Variants in LOXHD1 observed in about 807,000 individuals in gnomAD.
LOXHD1 encodes the protein lipoxygenase homology domain-containing protein 1.
LOXHD1 carries 205 observed loss-of-function variants against 248.2 expected under a neutral mutation model. That is an observed-to-expected ratio of 0.83 (90% CI 0.74 to 0.93). The LOEUF (loss-of-function observed/expected upper bound fraction) is 0.93, where lower values mean the gene tolerates loss of function less well. Ranked by LOEUF, LOXHD1 falls within the 40% of genes least tolerant of loss-of-function variation. The probability of loss-of-function intolerance (pLI) is 0.00; values close to 1 mark genes in which losing one functional copy is unlikely to be tolerated. For synonymous variants in LOXHD1, 1,113 were observed against 1,162.8 expected, an observed-to-expected ratio of 0.96 and a Z score of 0.87; for missense variants, 2,930 against 2,971.6, an observed-to-expected ratio of 0.99 and a Z score of 0.33.
intron 18 of LOXHD1, among the ~76,000 whole-genome samples, 159 bp downstream of exon 18, chr18:46,562,906 G>A (rs1012293128): frequency 3.3e-5 from 5 of 152,090 alleles, no homozygotes; most frequent in Non-Finnish European, 7.4e-5. Flanking sequence ...ATTTTAGGCC[G>A]AAAGCTCAGG....
Position 46,521,163 on chromosome 18 carries a change from T to C in LOXHD1, c.5205A>G (p.Arg1735=), listed in dbSNP as rs756092002. The C allele has an allele frequency of 6.4e-7, 1 of 1,551,730 alleles. No homozygotes were observed. The highest frequency in any genetic ancestry group is 1.2e-5 in the South Asian group (1 of 84,060). ...AGACACGGGAGGTGATGCCGTCGCC[T>C]CTGTCCTTGGCCAGCCAGCAGTTAC... The part of the protein sequence containing the change: ...LNCNCWLAKD[R]GDGITSRVFD... Residue 1735 remains arginine (R), a synonymous_variant, in exon 33 of 41, where the codon AGA becomes AGG. Transcript: ENST00000642948.
At chr18:46,477,210 C>T, downstream of LOXHD1, 1 of 724,940 alleles carries the variant, frequency 1.4e-6, no homozygotes, top group Non-Finnish European at 2.6e-6. Flanking sequence ...CAAGTCCCAG[C>T]CTGGTCACTA....
chr18:46,505,982 C>T lies in LOXHD1; in HGVS notation c.5734G>A (p.Glu1912Lys), dbSNP rs1239706953. The T allele has an allele frequency of 1.9e-6, 3 of 1,552,156 alleles. No homozygotes were observed. In the African/African-American group the frequency reaches 4.1e-5, roughly 21 times the overall value. ...DANVFIIIFG[E>K]NGDSGTLALK... ...GCCAGTGTCCCACTATCCCCGTTCT[C>T]CCCGAAGATGATGATGAACACGTTG... Residue 1912 changes from glutamate (E) to lysine (K), a missense_variant, in exon 37 of 41, where the codon GAG (glutamate) becomes AAG (lysine). Transcript: ENST00000642948.
At chr18:46,603,344 T>C (rs1405098452) in intron 7 of LOXHD1, among the ~76,000 whole-genome samples, 2 of 151,748 alleles carry the variant, frequency 1.3e-5, no homozygotes, top group African/African-American at 4.8e-5. Flanking sequence ...AAGGTGTGAA[T>C]GTGCAGTGGG....
chr18:46,601,634 A>G (rs2038342021), intron 7 of LOXHD1, 167 bp from the exon 8 acceptor site: 3 of 815,436 alleles, frequency 3.7e-6, no homozygotes, highest in Admixed American at 2.2e-5. Context: ...GTCCCTCTCG[A>G]CCTCATTTCA....
chr18:46,603,960 G>C, intron 7 of LOXHD1, 146 bp downstream of exon 7: 1 of 1,145,292 alleles, frequency 8.7e-7, no homozygotes, highest in Non-Finnish European at 1.2e-6. Context: ...CAGTGGGACA[G>C]AACAGTTTCA....
chr18:46,507,797 A>T, intron 35 of LOXHD1, 85 bp from the exon 36 acceptor site: 1 of 1,394,696 alleles, frequency 7.2e-7, no homozygotes, highest in Non-Finnish European at 9.7e-7. Context: ...CCCTCCCCGA[A>T]TCCCAACCCT....
intron 25 of LOXHD1, 58 bp from the exon 26 acceptor site, chr18:46,538,395 T>C (rs2036410970): frequency 2.7e-6 from 4 of 1,493,744 alleles, no homozygotes; most frequent in South Asian, 1.2e-5. Flanking sequence ...AAAACAAACA[T>C]GGTGAGAGCC....
intron 14 of LOXHD1, among the ~76,000 whole-genome samples, chr18:46,573,342 G>A (rs2037792832): frequency 6.6e-6 from 1 of 152,184 alleles, no homozygotes; most frequent in South Asian, 2.1e-4. Context: ...TGGGCACGGA[G>A]ACTCAGCCTG....
At chr18:46,643,505 A>T (rs1267010634) in intron 2 of LOXHD1, among the ~76,000 whole-genome samples, 1 of 152,230 alleles carries the variant, frequency 6.6e-6, no homozygotes. Context: ...CCAAGCACTT[A>T]AAGGGAACTA....
chr18:46,499,649 CTT>C (rs1274227714), intron 37 of LOXHD1, among the ~76,000 whole-genome samples: 1 of 151,918 alleles, frequency 6.6e-6, no homozygotes, highest in Non-Finnish European at 1.5e-5. Context: ...GATTTCCTGA[CTT>C]TGTGTGTGGT....
At chr18:46,558,844 C>T (rs1054010330) in intron 20 of LOXHD1, among the ~76,000 whole-genome samples, 1 of 152,118 alleles carries the variant, frequency 6.6e-6, no homozygotes, top group African/African-American at 2.4e-5. Flanking sequence ...GGATACAGTT[C>T]TGGCTTCTCA....
chr18:46,528,128 A>C (rs1008909575), intron 29 of LOXHD1, among the ~76,000 whole-genome samples: 126 of 152,324 alleles, frequency 8.3e-4, no homozygotes, highest in African/African-American at 2.8e-3. Context: ...GTCAGGTTTA[A>C]GGAGACCCTT....
intron 2 of LOXHD1, among the ~76,000 whole-genome samples, chr18:46,648,697 G>A (rs555614528): frequency 7.2e-5 from 11 of 152,272 alleles, no homozygotes; most frequent in South Asian, 2.1e-4. Context: ...CAATCCCTGC[G>A]GCTAGCTGAG....
chr18:46,588,958 G>T (rs1416514231), intron 12 of LOXHD1, among the ~76,000 whole-genome samples: 2 of 152,170 alleles, frequency 1.3e-5, no homozygotes, highest in Non-Finnish European at 2.9e-5. Context: ...GTTGGGCATG[G>T]GTTCAAAGAA....
At chr18:46,484,924 T>G in intron 39 of LOXHD1, 95 bp downstream of exon 39, 1 of 1,449,698 alleles carries the variant, frequency 6.9e-7, no homozygotes, top group Non-Finnish European at 9.3e-7. Context: ...TTAGGCCCAT[T>G]TGTGTACCTA....
chr18:46,501,921 A>G (rs2034256479), intron 37 of LOXHD1, among the ~76,000 whole-genome samples: 1 of 152,198 alleles, frequency 6.6e-6, no homozygotes, highest in African/African-American at 2.4e-5. Context: ...GCATGTCACT[A>G]AAGACAATCA....
chr18:46,528,520 GC>G (rs2035922444), intron 29 of LOXHD1, among the ~76,000 whole-genome samples: 2 of 152,232 alleles, frequency 1.3e-5, no homozygotes, highest in Admixed American at 1.3e-4. Context: ...CCTTTTTATA[GC>G]CACAGAACCC....
intron 26 of LOXHD1, 27 bp downstream of exon 26, chr18:46,538,129 C>G (rs1199873763): frequency 6.6e-7 from 1 of 1,518,866 alleles, no homozygotes; most frequent in Non-Finnish European, 8.9e-7. Context: ...CTACTCCATC[C>G]CTGGACAGCC....
Sources: allele counts gnomAD v4.1 joint callset (sites outside exome capture counted in the v4.1 genomes callset), GRCh38; gene constraint gnomAD v4.1.1; transcripts MANE v1.5; gene names NCBI Gene and HGNC (gene_info 2026-07-23, HGNC 2026-07-21).